RSPO2: variants seen among roughly 807,000 people sequenced by gnomAD.
The protein encoded by RSPO2 is R-spondin 2.
RSPO2 carries 14 observed loss-of-function variants against 30.9 expected under a neutral mutation model. The ratio of observed to expected loss-of-function variants is 0.45; its 90% CI spans 0.30 to 0.71. The LOEUF (loss-of-function observed/expected upper bound fraction) is 0.71. Ranked by LOEUF, RSPO2 falls within the 30% of genes least tolerant of loss-of-function variation. The pLI is 0.08. For synonymous variants in RSPO2, 107 were observed against 96.4 expected, an observed-to-expected ratio of 1.11 and a Z score of -0.64; for missense variants, 264 against 301.9, an observed-to-expected ratio of 0.87 and a Z score of 0.93.
intron 2 of RSPO2, among the ~76,000 whole-genome samples, chr8:108,015,321 C>T (rs943824173): frequency 3.9e-5 from 6 of 152,236 alleles, no homozygotes; most frequent in African/African-American, 1.2e-4. Flanking sequence ...TACCATTTAT[C>T]TCACGTTCTA....
intron 3 of RSPO2, among the ~76,000 whole-genome samples, chr8:107,978,684 T>C (rs962028664): frequency 6.6e-6 from 1 of 152,106 alleles, no homozygotes; most frequent in Non-Finnish European, 1.5e-5. Context: ...ACAAATGGAA[T>C]CTAATTAAAC....
At chr8:108,067,315 CG>C (rs1477235511) in intron 2 of RSPO2, among the ~76,000 whole-genome samples, 2 of 151,966 alleles carry the variant, frequency 1.3e-5, no homozygotes, top group Non-Finnish European at 2.9e-5. Context: ...CAAGAAATAA[CG>C]AATTTTGTCA....
intron 2 of RSPO2, among the ~76,000 whole-genome samples, chr8:108,079,892 G>T (rs188107713): frequency 6.6e-6 from 1 of 152,274 alleles, no homozygotes; most frequent in African/African-American, 2.4e-5. Context: ...GGGAAAAAGG[G>T]AAATGTTGGT....
chr8:107,993,428 T>C (rs1205896022), intron 2 of RSPO2, among the ~76,000 whole-genome samples: 1 of 152,124 alleles, frequency 6.6e-6, no homozygotes, highest in African/African-American at 2.4e-5. Context: ...TGAATGAAAT[T>C]CACATACATT....
At chr8:107,907,275 C>A (rs1405285121) in intron 5 of RSPO2, among the ~76,000 whole-genome samples, 1 of 151,958 alleles carries the variant, frequency 6.6e-6, no homozygotes, top group East Asian at 1.9e-4. Context: ...AAGGCATTTT[C>A]AGTAACAATC....
At chr8:108,066,082 G>A (rs73309346) in intron 2 of RSPO2, among the ~76,000 whole-genome samples, 7,873 of 152,078 alleles carry the variant, frequency 0.052, 635 homozygotes, top group African/African-American at 0.17. Flanking sequence ...AGACAAGAGT[G>A]CACAGAAACA....
At chr8:107,912,475 G>A (rs980711832) in intron 5 of RSPO2, among the ~76,000 whole-genome samples, 12 of 152,146 alleles carry the variant, frequency 7.9e-5, no homozygotes, top group African/African-American at 2.4e-4. Context: ...TACACACCCA[G>A]GGGTAGGGCC....
intron 5 of RSPO2, among the ~76,000 whole-genome samples, chr8:107,937,239 T>C (rs973563232): frequency 1.1e-4 from 17 of 149,260 alleles, no homozygotes; most frequent in Admixed American, 2.0e-4. Flanking sequence ...GCACCATTTA[T>C]TGAAGAGGCT....
chr8:107,960,070 A>T (rs630662), intron 4 of RSPO2, among the ~76,000 whole-genome samples: 73 of 151,958 alleles, frequency 4.8e-4, no homozygotes, highest in Non-Finnish European at 9.1e-4. Context: ...TCAAATGGTG[A>T]TATAAGAATG....
chr8:107,970,904 C>T (rs1213404986), intron 3 of RSPO2, among the ~76,000 whole-genome samples: 2 of 152,074 alleles, frequency 1.3e-5, no homozygotes, highest in South Asian at 2.1e-4. Flanking sequence ...TCATGTATGC[C>T]CATCTAGTTT....
At chr8:107,917,700 T>A (rs1812023441) in intron 5 of RSPO2, among the ~76,000 whole-genome samples, 1 of 152,262 alleles carries the variant, frequency 6.6e-6, no homozygotes, top group Admixed American at 6.5e-5. Context: ...TATGAAATGG[T>A]GTTTGGCTTT....
chr8:107,979,449 T>C (rs977015325), intron 3 of RSPO2, among the ~76,000 whole-genome samples: 5 of 152,152 alleles, frequency 3.3e-5, no homozygotes, highest in South Asian at 2.1e-4. Flanking sequence ...CCAAACACCG[T>C]GTGTTCTCAC....
intron 2 of RSPO2, among the ~76,000 whole-genome samples, chr8:108,080,627 C>CTG (rs1813165001): frequency 6.6e-6 from 1 of 152,190 alleles, no homozygotes; most frequent in Non-Finnish European, 1.5e-5. Flanking sequence ...CGCAGGAGTG[C>CTG]TGTAATGTCC....
chr8:107,950,524 G>C (rs1445507890), intron 5 of RSPO2, among the ~76,000 whole-genome samples: 1 of 147,606 alleles, frequency 6.8e-6, no homozygotes, highest in African/African-American at 2.5e-5. Context: ...TTATGTCTTT[G>C]TACATTAAGT....
intron 3 of RSPO2, among the ~76,000 whole-genome samples, chr8:107,965,060 T>G (rs1310858784): frequency 2.0e-5 from 3 of 152,170 alleles, no homozygotes; most frequent in African/African-American, 7.2e-5. Flanking sequence ...AATAGATTGT[T>G]AAACCTTAGA....
Position 107,983,101 on chromosome 8 carries a change from G to A in RSPO2, c.283+5955C>T, listed in dbSNP as rs184223415. 2.2e-4 allele frequency: 308 copies of A among 1,397,298 alleles called. 5 individuals are homozygous for A. In the Admixed American group the frequency reaches 6.0e-3, roughly 27 times the overall value. The allele number at this position is 1,397,298 out of a possible 1,614,324, so 86.6% of individuals were successfully genotyped here. On this transcript the variant is annotated intron_variant, in intron 3 of 5. Coordinates refer to ENST00000276659, the MANE Select transcript of RSPO2 (RefSeq NM_178565.5). ...CACTACTCCCCTTCCTAAGGCCGCC[G>A]CTTACCCCAGGGTCTATGGAAGTAA... is the stretch of plus-strand genomic sequence containing the variant.
At chr8:108,045,488 T>C (rs1811882764) in intron 2 of RSPO2, among the ~76,000 whole-genome samples, 1 of 152,182 alleles carries the variant, frequency 6.6e-6, no homozygotes, top group South Asian at 2.1e-4. Context: ...AGTCCATGTA[T>C]TAGACACTTG....
intron 2 of RSPO2, among the ~76,000 whole-genome samples, chr8:108,005,437 C>T (rs576158929): frequency 2.0e-5 from 3 of 152,156 alleles, no homozygotes; most frequent in South Asian, 2.1e-4. Flanking sequence ...GTCAGGTTGT[C>T]GAAGGTGATT....
intron 2 of RSPO2, among the ~76,000 whole-genome samples, chr8:108,066,331 T>G (rs994744571): frequency 5.9e-5 from 9 of 152,232 alleles, no homozygotes; most frequent in African/African-American, 2.2e-4. Context: ...AGCTACTGTA[T>G]GTTCAACTCA....
Sources: allele counts gnomAD v4.1 joint callset (sites outside exome capture counted in the v4.1 genomes callset), GRCh38; gene constraint gnomAD v4.1.1; transcripts MANE v1.5; gene names NCBI Gene and HGNC (gene_info 2026-07-23, HGNC 2026-07-21).